Variants in CRTC3 observed in about 807,000 individuals in gnomAD.
The protein encoded by CRTC3 is CREB regulated transcription coactivator 3.
In CRTC3, 26 loss-of-function variants were observed where a neutral mutation model predicts 74.5. The observed-to-expected ratio is 0.35, with a 90% confidence interval of 0.26 to 0.48. CRTC3 has a LOEUF of 0.48. Among genes scored for constraint, CRTC3 ranks in the 20% least tolerant of loss-of-function variants. The pLI, the probability that CRTC3 is intolerant of heterozygous loss-of-function variation, is 0.99. For missense variants in CRTC3, 760 were observed against 787.3 expected (o/e 0.97, Z 0.41); for synonymous variants, 377 against 325.8 (o/e 1.16, Z -1.69).
chr15:90,636,687 C>A (rs1421899339), intron 11 of CRTC3, among the ~76,000 whole-genome samples: 3 of 151,970 alleles, frequency 2.0e-5, no homozygotes, highest in African/African-American at 4.8e-5. Context: ...CCAGAATCTA[C>A]AAAGAACTCA....
chr15:90,634,221 C>G (rs1303650326), intron 11 of CRTC3, among the ~76,000 whole-genome samples: 1 of 151,834 alleles, frequency 6.6e-6, no homozygotes, highest in South Asian at 2.1e-4. Flanking sequence ...AAACCATTCT[C>G]CTGGCCTCAG....
chr15:90,570,346 C>T (rs1967233777), intron 2 of CRTC3, among the ~76,000 whole-genome samples: 1 of 152,054 alleles, frequency 6.6e-6, no homozygotes, highest in African/African-American at 2.4e-5. Context: ...CGGAGATGGT[C>T]TAAGAAGTCA....
chr15:90,623,721 G>A (rs1030768938), intron 9 of CRTC3, among the ~76,000 whole-genome samples: 13 of 152,016 alleles, frequency 8.6e-5, no homozygotes, highest in Admixed American at 4.6e-4. Flanking sequence ...TGCCCACCCC[G>A]CGTCCAGCCT....
intron 11 of CRTC3, among the ~76,000 whole-genome samples, chr15:90,633,178 ATTT>A (rs1355830458): frequency 6.6e-6 from 1 of 151,994 alleles, no homozygotes; most frequent in African/African-American, 2.4e-5. Context: ...GAAAATGAGA[ATTT>A]TTTTTCCTCT....
intron 3 of CRTC3, chr15:90,595,676 G>A (rs894418676): frequency 2.0e-5 from 3 of 151,900 alleles, no homozygotes; most frequent in Non-Finnish European, 4.4e-5. Flanking sequence ...ATACGTGTGT[G>A]TATGTATATG....
intron 2 of CRTC3, among the ~76,000 whole-genome samples, chr15:90,556,924 C>A (rs1966900518): frequency 6.8e-6 from 1 of 146,074 alleles, no homozygotes; most frequent in Non-Finnish European, 1.5e-5. Context: ...TAGTGCCAAC[C>A]ATTGGAATTA....
At chr15:90,641,222 T>G in intron 14 of CRTC3, 23 bp downstream of exon 14, 2 of 1,432,216 alleles carry the variant, frequency 1.4e-6, no homozygotes, top group Non-Finnish European at 2.0e-6. Flanking sequence ...TCCCTCAGCT[T>G]CTTTACTGCT....
At chr15:90,575,563 T>G (rs974848343) in intron 2 of CRTC3, among the ~76,000 whole-genome samples, 6 of 152,248 alleles carry the variant, frequency 3.9e-5, no homozygotes, top group African/African-American at 1.4e-4. Flanking sequence ...CAACACTATT[T>G]ATGAATAATC....
At chr15:90,575,416 T>G (rs887030051) in intron 2 of CRTC3, among the ~76,000 whole-genome samples, 8 of 152,220 alleles carry the variant, frequency 5.3e-5, no homozygotes, top group African/African-American at 9.6e-5. Context: ...TAGAAAGTTA[T>G]CTTCTTTTGT....
intron 1 of CRTC3, among the ~76,000 whole-genome samples, chr15:90,531,773 C>G (rs1206634754): frequency 6.6e-6 from 1 of 152,140 alleles, no homozygotes; most frequent in Non-Finnish European, 1.5e-5. Flanking sequence ...TAAATACATA[C>G]TGTACATTGT....
At chr15:90,612,900 C>T (rs114275704) in intron 6 of CRTC3, among the ~76,000 whole-genome samples, 2,598 of 152,052 alleles carry the variant, frequency 0.017, 69 homozygotes, top group African/African-American at 0.059. Context: ...TCTCCTGAGA[C>T]GACAATTAAA....
At chr15:90,562,435 C>A (rs767902406) in intron 2 of CRTC3, among the ~76,000 whole-genome samples, 2 of 152,110 alleles carry the variant, frequency 1.3e-5, no homozygotes, top group Non-Finnish European at 2.9e-5. Flanking sequence ...CTTTCTCGGG[C>A]CTTTGCTCTT....
intron 6 of CRTC3, among the ~76,000 whole-genome samples, chr15:90,612,651 G>C (rs1180618209): frequency 6.6e-6 from 1 of 151,814 alleles, no homozygotes; most frequent in African/African-American, 2.4e-5. Context: ...GTTTTTAACA[G>C]GATAGTCACT....
chr15:90,536,563 A>G (rs1035446538), intron 1 of CRTC3, among the ~76,000 whole-genome samples: 1 of 152,088 alleles, frequency 6.6e-6, no homozygotes, highest in Non-Finnish European at 1.5e-5. Flanking sequence ...TATCTTGTCA[A>G]TGTCTCTGAA....
chr15:90,544,765 C>T (rs1032733964), intron 2 of CRTC3, among the ~76,000 whole-genome samples: 15 of 152,304 alleles, frequency 9.8e-5, no homozygotes, highest in Admixed American at 4.6e-4. Context: ...AGAGTTCCAG[C>T]GACCCTGTAT....
At chr15:90,537,359 T>C (rs960171322) in intron 1 of CRTC3, among the ~76,000 whole-genome samples, 1 of 152,202 alleles carries the variant, frequency 6.6e-6, no homozygotes, top group Admixed American at 6.5e-5. Context: ...AGTTGCAGGT[T>C]ACAAAGTCAC....
chr15:90,555,489 C>G (rs1227952877), intron 2 of CRTC3, among the ~76,000 whole-genome samples: 1 of 151,970 alleles, frequency 6.6e-6, no homozygotes, highest in Non-Finnish European at 1.5e-5. Context: ...AAGACGTTAA[C>G]TCTAGTGTTC....
chr15:90,629,207 G>A, intron 10 of CRTC3, 27 bp from the exon 11 acceptor site: 1 of 1,594,056 alleles, frequency 6.3e-7, no homozygotes. Context: ...GAAATTATAA[G>A]TAACTTGTGA....
chr15:90,535,814 C>T (rs1966710201), intron 1 of CRTC3, among the ~76,000 whole-genome samples: 1 of 152,074 alleles, frequency 6.6e-6, no homozygotes, highest in South Asian at 2.1e-4. Flanking sequence ...TCACATAGTC[C>T]TCAAAATGAG....
Sources: allele counts gnomAD v4.1 joint callset (sites outside exome capture counted in the v4.1 genomes callset), GRCh38; gene constraint gnomAD v4.1.1; transcripts MANE v1.5; gene names NCBI Gene and HGNC (gene_info 2026-07-23, HGNC 2026-07-21).